The following CIT variants were observed in gnomAD, a reference collection of about 807,000 sequenced individuals.
CIT encodes the protein citron Rho-interacting kinase.
Under a neutral mutation model 272.7 loss-of-function variants are expected in CIT, and 79 were observed. The ratio of observed to expected loss-of-function variants is 0.29; its 90% confidence interval spans 0.24 to 0.35. The LOEUF (loss-of-function observed/expected upper bound fraction) is 0.35, where lower values mean the gene tolerates loss of function less well. Among genes scored for constraint, CIT ranks in the 10% least tolerant of loss-of-function variants. The pLI, the probability that CIT is intolerant of heterozygous loss-of-function variation, is 1.00. For synonymous variants in CIT, 948 were observed against 995.6 expected (o/e 0.95, Z 0.90); for missense variants, 1,909 against 2,618.3 (o/e 0.73, Z 5.91).
At position 119,767,135 on chromosome 12, in the gene CIT, T is replaced by C. The variant is rs137968481; in HGVS notation, c.2256A>G (p.Leu752=). 233 of 1,611,206 alleles carry C rather than the reference T, an allele frequency of 1.4e-4. 1 individual carries two copies. The African/African-American group carries it at 2.8e-3, about 19-fold the overall frequency. Residue 752 remains leucine (L), a synonymous_variant, in exon 19 of 48, where the codon CTA becomes CTG. Coordinates refer to ENST00000392521, the MANE Select transcript of CIT (RefSeq NM_001206999.2). The part of the protein sequence containing the change: ...HREAQVSAQH[L]EVHLKQKEQH... ...GCTCTTTCTGTTTCAGGTGCACTTCTAGGTGCTGGGCTGAGACTTGGGCCT... is the reference window on the plus strand; with the variant it reads ...GCTCTTTCTGTTTCAGGTGCACTTCCAGGTGCTGGGCTGAGACTTGGGCCT...
chr12:119,757,863 A>T lies in CIT; in HGVS notation c.2532-318T>A, dbSNP rs542800254. On this transcript the variant is annotated intron_variant, in intron 21 of 47. Transcript: ENST00000392521. ...ATTTCTTCTGTGAGTCTGTGTAGGG[A>T]CAGAAGGGGGCCTCCTTAGATTAAT... Among the ~76,000 whole-genome samples, 521 of 152,202 alleles carry T rather than the reference A, an allele frequency of 3.4e-3. 11 individuals carry two copies. The highest frequency in any genetic ancestry group is 4.7e-3 in the Non-Finnish European group (318 of 67,998).
rs1225453765 is a variant in CIT at position 119,869,129 on chromosome 12, C to T, written c.169G>A (p.Val57Ile). The T allele has an allele frequency of 6.2e-7, 1 of 1,613,238 alleles. No individual in the cohort carries two copies. The highest frequency in any genetic ancestry group is 8.5e-7 in the Non-Finnish European group (1 of 1,179,778). The change falls in exon 3 of 48, where the codon GTT (valine) becomes ATT (isoleucine). Residue 57 changes from valine (V) to isoleucine (I), a missense_variant. By Grantham distance (29) the Val-to-Ile change is conservative (BLOSUM62 3). This residue lies in a region of CIT where 529 missense variants were observed against 549.6 expected (regional missense o/e 0.96). Transcript: ENST00000392521. ...SREGILDALF[V>I]LFEECSQPAL... ...GGCTGACTGCATTCTTCAAAGAGAA[C>T]AAAGAGGGCATCTAATATCCCTTCT...
intron 9 of CIT, among the ~76,000 whole-genome samples, chr12:119,809,293 G>C (rs1966768546): frequency 6.6e-6 from 1 of 152,090 alleles, no homozygotes; most frequent in East Asian, 1.9e-4. Flanking sequence ...GAAGAGGCTA[G>C]TGCTAGAAAC....
chr12:119,874,292 G>A (rs1950773475), intron 2 of CIT, among the ~76,000 whole-genome samples: 1 of 152,046 alleles, frequency 6.6e-6, no homozygotes, highest in African/African-American at 2.4e-5. Context: ...GGCTGGTCTC[G>A]AACCCGTGAC....
In CIT at chr12:119,768,716, T is replaced by C. The variant is rs778991753; in HGVS notation, c.2209-1534A>G. ...TTAATAAAAACATATTTTAAAAGGT[T>C]CTATATGTACTTGGCTAAACGATCT... On this transcript the variant is annotated intron_variant, in intron 18 of 47. Coordinates refer to ENST00000392521, the MANE Select transcript of CIT (RefSeq NM_001206999.2). The surrounding 1 kb of genome is among the most constrained non-coding windows in gnomAD (Gnocchi z 4.3). 1.3e-5 allele frequency among the ~76,000 whole-genome samples: 2 copies of C among 152,258 alleles called. No homozygotes were observed. The highest frequency in any genetic ancestry group is 4.8e-5 in the African/African-American group (2 of 41,474).
chr12:119,856,919 TGTAA>T (rs1435158260), intron 4 of CIT, among the ~76,000 whole-genome samples: 1 of 152,244 alleles, frequency 6.6e-6, no homozygotes, highest in African/African-American at 2.4e-5. Flanking sequence ...CTAAAATGTC[TGTAA>T]GTAATAAATT....
chr12:119,844,124 T>C (rs188835611), intron 5 of CIT, among the ~76,000 whole-genome samples: 1 of 150,936 alleles, frequency 6.6e-6, no homozygotes, highest in East Asian at 2.0e-4. Context: ...TGGGTTCAAG[T>C]GATTCTCCTG....
chr12:119,787,581 A>G (rs567455915), intron 10 of CIT, among the ~76,000 whole-genome samples: 17 of 151,874 alleles, frequency 1.1e-4, no homozygotes, highest in Non-Finnish European at 2.1e-4. Context: ...AATACAAAAA[A>G]TTAGCCAGGC....
At chr12:119,707,736 G>A (rs541271047) in intron 40 of CIT, among the ~76,000 whole-genome samples, 127 of 152,202 alleles carry the variant, frequency 8.3e-4, no homozygotes, top group African/African-American at 2.8e-3. Context: ...TCTTGACCTC[G>A]TGATCCACCT....
At chr12:119,759,709 G>A (rs964251977) in intron 20 of CIT, among the ~76,000 whole-genome samples, 1 of 152,050 alleles carries the variant, frequency 6.6e-6, no homozygotes, top group Admixed American at 6.5e-5. Context: ...AGGTGGTACG[G>A]TTTTATCTCA....
intron 9 of CIT, among the ~76,000 whole-genome samples, chr12:119,822,441 C>A (rs1433120833): frequency 6.6e-6 from 1 of 152,188 alleles, no homozygotes. Context: ...GCAGAACAAC[C>A]TGGGCATGTT....
At position 119,758,204 on chromosome 12, in the gene CIT, C is replaced by A. The variant is rs139167686; in HGVS notation, c.2531+387G>T. ...AACACAGCCCTTGCTGAACCCCAAA[C>A]TTCCTTCCATAGGGTCTAACCTAGT... On this transcript the variant is annotated intron_variant, in intron 21 of 47. Transcript: ENST00000392521. 7.7e-4 allele frequency among the ~76,000 whole-genome samples: 117 copies of A among 152,320 alleles called. 1 individual carries two copies. Among genetic ancestry groups the A allele is most frequent in the African/African-American group, 2.7e-3 (113 of 41,570 alleles).
chr12:119,744,589 G>A (rs1180297407), intron 23 of CIT, among the ~76,000 whole-genome samples: 1 of 151,664 alleles, frequency 6.6e-6, no homozygotes, highest in Non-Finnish European at 1.5e-5. Context: ...GGTGGCAGGT[G>A]CCTGTAGTCA....
intron 39 of CIT, among the ~76,000 whole-genome samples, chr12:119,708,743 C>T (rs942949263): frequency 2.0e-5 from 3 of 152,186 alleles, no homozygotes; most frequent in Admixed American, 2.0e-4. Context: ...CCGCCTCAGC[C>T]TCCCAAAGTG....
chr12:119,742,527 G>T, intron 23 of CIT, 63 bp from the exon 24 acceptor site: 3 of 1,273,026 alleles, frequency 2.4e-6, no homozygotes, highest in South Asian at 1.3e-5. Flanking sequence ...ACATGCTACG[G>T]GTCAAATATA....
chr12:119,803,506 C>T, intron 9 of CIT, 117 bp from the exon 10 acceptor site: 1 of 695,740 alleles, frequency 1.4e-6, no homozygotes, highest in South Asian at 2.1e-5. Context: ...ACTGCAGCGC[C>T]TGCTTTCAAT....
chr12:119,850,502 A>G (rs186945365), intron 4 of CIT, among the ~76,000 whole-genome samples: 34 of 148,366 alleles, frequency 2.3e-4, no homozygotes, highest in Admixed American at 4.7e-4. Flanking sequence ...GAAAGGGAAG[A>G]AAAGGGAAGG....
intron 28 of CIT, among the ~76,000 whole-genome samples, chr12:119,724,867 CAG>C (rs1365116234): frequency 7.8e-6 from 1 of 128,944 alleles, no homozygotes; most frequent in African/African-American, 2.9e-5. Flanking sequence ...ACCCGGGAGG[CAG>C]AGCTTGCAGT....
rs1218471557 is a variant in CIT at position 119,804,148 on chromosome 12, A to C, written c.1112-759T>G. 7.1e-6 allele frequency: 7 copies of C among 985,260 alleles called. No homozygotes were observed. The East Asian group carries it at 6.8e-4, about 96-fold the overall frequency. The allele number at this position is 985,260 out of a possible 1,614,324, so 61.0% of individuals were successfully genotyped here. A position where few individuals can be genotyped will look rare whatever the true frequency, so the allele number is the denominator to read the frequency against. The stretch of plus-strand genomic sequence containing the variant: ...TGACGGTGGGAATGCACGGATGGAC[A>C]TATGCGGCTCCTACCTCCTCAGGGC... On this transcript the variant is annotated intron_variant, in intron 9 of 47. Coordinates refer to ENST00000392521, the MANE Select transcript of CIT (RefSeq NM_001206999.2). This position sits in a 1 kb window ranked among gnomAD's most constrained non-coding sequence, Gnocchi z 5.3.
Sources: gnomAD v4.1 joint callset for allele counts (sites outside exome capture counted in the v4.1 genomes callset) on GRCh38, gnomAD v4.1.1 for gene constraint, gnomAD v4.1.1 regional missense constraint, Gnocchi (gnomAD v3.1) non-coding constraint, MANE v1.5 for transcripts, NCBI Gene and HGNC (gene_info 2026-07-23, HGNC 2026-07-21) for gene names.